The following PLEKHH2 variants were observed in gnomAD, a reference collection of about 807,000 sequenced individuals.
PLEKHH2 encodes the protein pleckstrin homology, MyTH4 and FERM domain containing H2, also known as pleckstrin homology domain-containing family H member 2.
PLEKHH2 carries 129 observed loss-of-function variants against 187.9 expected under a neutral mutation model. That is an observed-to-expected ratio of 0.69 (90% CI 0.59 to 0.79). PLEKHH2 has a LOEUF of 0.79. Among genes scored for constraint, PLEKHH2 ranks in the 30% least tolerant of loss-of-function variants. PLEKHH2 has a pLI of 0.00. For missense variants in PLEKHH2, 2,076 were observed against 1,751.2 expected, an observed-to-expected ratio of 1.19 and a Z score of -3.31; for synonymous variants, 686 against 605.6, an observed-to-expected ratio of 1.13 and a Z score of -1.95.
chr2:43,741,093 T>C, intron 21 of PLEKHH2, 50 bp downstream of exon 21: 2 of 1,498,498 alleles, frequency 1.3e-6, no homozygotes, highest in Non-Finnish European at 1.8e-6. Context: ...TCTGAAAGTC[T>C]ACGATAAATC....
chr2:43,689,859 G>T (rs1668707842), intron 3 of PLEKHH2, among the ~76,000 whole-genome samples: 1 of 152,170 alleles, frequency 6.6e-6, no homozygotes, highest in South Asian at 2.1e-4. Flanking sequence ...GGGTAAAAGA[G>T]TAGTTCCAAA....
chr2:43,670,715 C>G (rs1443212362), intron 2 of PLEKHH2, among the ~76,000 whole-genome samples: 1 of 151,600 alleles, frequency 6.6e-6, no homozygotes, highest in African/African-American at 2.4e-5. Context: ...TGCAGAAAGG[C>G]CTGCTAGGAT....
At chr2:43,764,777 G>A (rs993231385) in intron 29 of PLEKHH2, among the ~76,000 whole-genome samples, 6 of 152,122 alleles carry the variant, frequency 3.9e-5, no homozygotes, top group African/African-American at 1.4e-4. Context: ...GGAAAGACTG[G>A]GATTTTATAA....
chr2:43,760,072 C>T (rs1231390712), intron 27 of PLEKHH2, among the ~76,000 whole-genome samples: 2 of 152,104 alleles, frequency 1.3e-5, no homozygotes, highest in East Asian at 1.9e-4. Context: ...GGAAGTTGAA[C>T]GTTACTTTTT....
At chr2:43,711,859 A>G in intron 14 of PLEKHH2, 1 of 816,348 alleles carries the variant, frequency 1.2e-6, no homozygotes, top group South Asian at 3.6e-5. Context: ...GCGCCACTGC[A>G]CTCCAGCCTG....
chr2:43,684,902 T>C (rs1369118671), intron 3 of PLEKHH2, among the ~76,000 whole-genome samples: 1 of 152,174 alleles, frequency 6.6e-6, no homozygotes. Context: ...TTTCTTTTTG[T>C]CACAACACTT....
At chr2:43,685,009 A>G (rs536248790) in intron 3 of PLEKHH2, among the ~76,000 whole-genome samples, 1 of 152,366 alleles carries the variant, frequency 6.6e-6, no homozygotes, top group Admixed American at 6.5e-5. Context: ...TACAGACAGC[A>G]GATGAATTCT....
At chr2:43,735,291 G>A (rs1312578782) in intron 19 of PLEKHH2, among the ~76,000 whole-genome samples, 1 of 152,100 alleles carries the variant, frequency 6.6e-6, no homozygotes, top group Non-Finnish European at 1.5e-5. Flanking sequence ...TGGAACTGGA[G>A]AACATTATAT....
chr2:43,707,294 G>C, intron 10 of PLEKHH2, 107 bp from the exon 11 acceptor site: 1 of 1,275,134 alleles, frequency 7.8e-7, no homozygotes, highest in South Asian at 1.4e-5. Context: ...ATACAGGGAG[G>C]TTGCTCTGCT....
intron 2 of PLEKHH2, among the ~76,000 whole-genome samples, chr2:43,657,741 C>G (rs1201100073): frequency 6.6e-6 from 1 of 152,192 alleles, no homozygotes; most frequent in Non-Finnish European, 1.5e-5. Flanking sequence ...GCAGGTCTGT[C>G]TGTACTTCAA....
chr2:43,678,042 C>G lies in PLEKHH2; in HGVS notation c.124-821C>G, dbSNP rs562113589. 4.2e-3 allele frequency among the ~76,000 whole-genome samples: 629 copies of G among 151,542 alleles called. 1 individual carries two copies. The highest frequency in any genetic ancestry group is 6.9e-3 in the Non-Finnish European group (469 of 67,838). On this transcript the variant is annotated intron_variant, in intron 2 of 29. Transcript: ENST00000282406. ...CTCCTCACTTCTCAGACGAGGCGGC[C>G]TGGCAGAGACGCTCCTCACCTCCCA...
Position 43,702,527 on chromosome 2 carries a change from C to CTTTTTT in PLEKHH2, c.1651-1437_1651-1432dup, listed in dbSNP as rs1167078689. Among the ~76,000 whole-genome samples the CTTTTTT allele has an allele frequency of 4.2e-3, 243 of 57,376 alleles. 20 individuals carry two copies. Among genetic ancestry groups the CTTTTTT allele is most frequent in the African/African-American group, 0.012 (129 of 10,484 alleles). 37.6% of individuals were successfully genotyped at this position (57,376 alleles called of 152,430 possible). On this transcript the variant is annotated intron_variant, in intron 8 of 29. Transcript: ENST00000282406. ...TTTTATTTGGCAACCCATTCTACTA[C>CTTTTTT]TTTTTTTTTTTTTTTTTTTTTTCCA...
At chr2:43,734,487 G>A (rs1246963346) in intron 19 of PLEKHH2, among the ~76,000 whole-genome samples, 1 of 152,180 alleles carries the variant, frequency 6.6e-6, no homozygotes, top group East Asian at 1.9e-4. Context: ...TGGCCAACAA[G>A]TATATGAATA....
At chr2:43,654,179 G>A (rs1371383488) in intron 2 of PLEKHH2, among the ~76,000 whole-genome samples, 1 of 152,082 alleles carries the variant, frequency 6.6e-6, no homozygotes, top group East Asian at 1.9e-4. Context: ...TTTGGAAGTA[G>A]TTGACATTTT....
chr2:43,699,772 G>T lies in PLEKHH2; in HGVS notation c.814G>T (p.Asp272Tyr). 11 of 1,614,170 alleles carry T rather than the reference G, an allele frequency of 6.8e-6. No homozygotes were observed. Among genetic ancestry groups the T allele is most frequent in the Non-Finnish European group, 9.3e-6 (11 of 1,180,030 alleles). Residue 272 changes from aspartate to tyrosine, a missense_variant, in exon 8 of 30, where the codon GAT (aspartate) becomes TAT (tyrosine). Physicochemically the swap from Asp to Tyr is radical, Grantham distance 160 (BLOSUM62 -3). Transcript: ENST00000282406. ...GAAAACAAGAACAAGCTTTGCCACA[G>T]ATGGTGGCATCTCCCAGAATTCTGG... Reference protein sequence around the residue: ...NRKTRTSFATDGGISQNSGAP... With the variant: ...NRKTRTSFATYGGISQNSGAP...
At chr2:43,676,041 G>C in intron 2 of PLEKHH2, 24 of 1,613,996 alleles carry the variant, frequency 1.5e-5, no homozygotes, top group Non-Finnish European at 2.0e-5. Flanking sequence ...CTTTGTCACA[G>C]TGTTTGGTCC....
At chr2:43,687,343 G>A (rs1181173184) in intron 3 of PLEKHH2, among the ~76,000 whole-genome samples, 1 of 152,220 alleles carries the variant, frequency 6.6e-6, no homozygotes, top group Non-Finnish European at 1.5e-5. Context: ...TTTTATGGCA[G>A]TGTAGTGTTC....
At chr2:43,655,671 A>G (rs1405367985) in intron 2 of PLEKHH2, among the ~76,000 whole-genome samples, 1 of 152,190 alleles carries the variant, frequency 6.6e-6, no homozygotes, top group East Asian at 1.9e-4. Flanking sequence ...CATGATCACA[A>G]AACGACCTAC....
Position 43,710,321 on chromosome 2 carries a change from C to T in PLEKHH2, c.2205C>T (p.Tyr735=). 2 of 1,613,322 alleles carry T rather than the reference C, an allele frequency of 1.2e-6. No individual in the cohort carries two copies. The highest frequency in any genetic ancestry group is 8.5e-7 in the Non-Finnish European group (1 of 1,179,314). ...FVLKGGELLY[Y]KSPSDVIRKP... ...TTAAAGGTGGTGAATTACTTTACTA[C>T]AAATCTCCGGTGAGTGGAAAGTGTT... The change falls in exon 13 of 30, where the codon TAC becomes TAT. Residue 735 remains tyrosine, a synonymous_variant. Transcript: ENST00000282406.
Sources: allele counts gnomAD v4.1 joint callset (sites outside exome capture counted in the v4.1 genomes callset), GRCh38; gene constraint gnomAD v4.1.1; transcripts MANE v1.5; gene names NCBI Gene and HGNC (gene_info 2026-07-23, HGNC 2026-07-21).